Variants in EXOC4 observed in about 807,000 individuals in gnomAD.
The protein encoded by EXOC4 is SEC8-like 1.
In EXOC4, 71 loss-of-function variants were observed where a neutral mutation model predicts 107.2. That is an observed-to-expected ratio of 0.66 (90% CI 0.55 to 0.81). The LOEUF (loss-of-function observed/expected upper bound fraction) is 0.81. Ranked by LOEUF, EXOC4 falls within the 30% of genes least tolerant of loss-of-function variation. The pLI, the probability that EXOC4 is intolerant of heterozygous loss-of-function variation, is 0.00. For synonymous variants in EXOC4, 456 were observed against 441.2 expected, an observed-to-expected ratio of 1.03 and a Z score of -0.42; for missense variants, 1,108 against 1,189.6, an observed-to-expected ratio of 0.93 and a Z score of 1.01.
intron 11 of EXOC4, among the ~76,000 whole-genome samples, chr7:133,833,474 GT>G (rs2151240248): frequency 6.6e-6 from 1 of 152,346 alleles, no homozygotes; most frequent in South Asian, 2.1e-4. Context: ...CTAACTAGGA[GT>G]TGTTTTTGTT....
Position 133,630,059 on chromosome 7 carries a change from A to G in EXOC4, c.1432A>G (p.Asn478Asp), listed in dbSNP as rs751273688. The G allele has an allele frequency of 3.3e-5, 53 of 1,613,584 alleles. No individual in the cohort carries two copies. The highest frequency in any genetic ancestry group is 4.2e-5 in the Non-Finnish European group (50 of 1,179,658). Residue 478 changes from asparagine (N) to aspartate (D), a missense_variant, in exon 10 of 18, where the codon AAC (asparagine) becomes GAC (aspartate). Physicochemically the swap from Asn to Asp is conservative, Grantham distance 23. Coordinates refer to ENST00000253861, the MANE Select transcript of EXOC4 (RefSeq NM_021807.4). The part of the protein sequence containing the change: ...SGELQGGPDD[N>D]LIEGGGTKFV... The stretch of plus-strand genomic sequence containing the variant: ...TCTTCTGAAAGGGGGTCCTGATGAC[A>G]ACTTAATTGAAGGTGGAGGAACAAA...
At chr7:133,507,553 G>A (rs1289404516) in intron 9 of EXOC4, among the ~76,000 whole-genome samples, 1 of 152,164 alleles carries the variant, frequency 6.6e-6, no homozygotes, top group Non-Finnish European at 1.5e-5. Flanking sequence ...AAATACATGT[G>A]CCATGCAAAT....
intron 9 of EXOC4, among the ~76,000 whole-genome samples, chr7:133,512,633 C>T (rs761866326): frequency 2.0e-5 from 3 of 151,980 alleles, no homozygotes; most frequent in Non-Finnish European, 4.4e-5. Context: ...AAGAAGGTAG[C>T]GTAGTGAGGG....
intron 5 of EXOC4, among the ~76,000 whole-genome samples, chr7:133,335,924 A>C (rs975851118): frequency 1.3e-5 from 2 of 151,908 alleles, no homozygotes; most frequent in African/African-American, 4.8e-5. Flanking sequence ...TTTGATTTGC[A>C]TTTCTGTAAT....
At chr7:133,375,608 T>TA (rs1245987124) in intron 7 of EXOC4, among the ~76,000 whole-genome samples, 1 of 152,176 alleles carries the variant, frequency 6.6e-6, no homozygotes, top group African/African-American at 2.4e-5. Context: ...TATATTAAGG[T>TA]AAAAAACATT....
At chr7:133,450,438 C>T (rs1798316119) in intron 7 of EXOC4, among the ~76,000 whole-genome samples, 2 of 152,348 alleles carry the variant, frequency 1.3e-5, no homozygotes, top group Admixed American at 6.5e-5. Context: ...ACTGGGATTA[C>T]AGGCATGAGC....
chr7:133,608,585 C>T (rs1024480227), intron 9 of EXOC4, among the ~76,000 whole-genome samples: 2 of 112,716 alleles, frequency 1.8e-5, no homozygotes, highest in Non-Finnish European at 3.3e-5. Context: ...TGGAATCTTG[C>T]TCTGTTGCCA....
At chr7:133,916,872 A>T (rs1480427691) in intron 12 of EXOC4, among the ~76,000 whole-genome samples, 2 of 152,204 alleles carry the variant, frequency 1.3e-5, no homozygotes, top group African/African-American at 4.8e-5. Context: ...CCGAAAGAAA[A>T]GCTTTTTAAT....
intron 5 of EXOC4, among the ~76,000 whole-genome samples, chr7:133,342,957 T>C (rs1394911159): frequency 6.6e-6 from 1 of 152,234 alleles, no homozygotes; most frequent in Non-Finnish European, 1.5e-5. Flanking sequence ...TTAAGTTGTT[T>C]GTCACCTTTT....
chr7:133,663,422 G>T (rs979201956), intron 10 of EXOC4, among the ~76,000 whole-genome samples: 1 of 152,030 alleles, frequency 6.6e-6, no homozygotes. Flanking sequence ...TATATCTCCA[G>T]CCTGGACCAC....
chr7:133,592,604 G>A (rs556877664), intron 9 of EXOC4, among the ~76,000 whole-genome samples: 2 of 151,944 alleles, frequency 1.3e-5, no homozygotes, highest in South Asian at 2.1e-4. Flanking sequence ...CACCATACCC[G>A]GCTATTTTTT....
At chr7:133,855,092 A>AAT (rs369635122) in intron 11 of EXOC4, among the ~76,000 whole-genome samples, 4 of 49,368 alleles carry the variant, frequency 8.1e-5, no homozygotes, top group African/African-American at 3.0e-4. Context: ...AATATATATA[A>AAT]ATATATATAT....
At chr7:133,862,923 G>A (rs1205837483) in intron 11 of EXOC4, among the ~76,000 whole-genome samples, 1 of 152,140 alleles carries the variant, frequency 6.6e-6, no homozygotes, top group Admixed American at 6.5e-5. Context: ...TTATCAGTGT[G>A]AGAATCTCTG....
intron 14 of EXOC4, among the ~76,000 whole-genome samples, chr7:133,972,073 G>C (rs1436928037): frequency 6.6e-6 from 1 of 152,044 alleles, no homozygotes; most frequent in African/African-American, 2.4e-5. Context: ...GGTACCTTAC[G>C]CTGTAGTCAT....
At position 133,925,005 on chromosome 7, in the gene EXOC4, C is replaced by G. The variant is rs113999102; in HGVS notation, c.2027+7267C>G. On this transcript the variant is annotated intron_variant, in intron 13 of 17. Transcript: ENST00000253861. ...GAAAGCAAAGTTAAGTAGAAGAGGA[C>G]ACTCTTCATTGATATTCCAATGTGG... Among the ~76,000 whole-genome samples, 366 of 152,364 alleles carry G rather than the reference C, an allele frequency of 2.4e-3. 5 individuals carry two copies. The highest frequency in any genetic ancestry group is 8.2e-3 in the African/African-American group (342 of 41,592).
At chr7:133,548,072 C>T (rs1800517273) in intron 9 of EXOC4, among the ~76,000 whole-genome samples, 1 of 152,016 alleles carries the variant, frequency 6.6e-6, no homozygotes, top group Non-Finnish European at 1.5e-5. Flanking sequence ...CTCCTTGATG[C>T]ACGGGCTGTA....
chr7:134,055,562 A>G (rs1795902040), intron 17 of EXOC4, among the ~76,000 whole-genome samples: 1 of 152,098 alleles, frequency 6.6e-6, no homozygotes, highest in Non-Finnish European at 1.5e-5. Flanking sequence ...CTCCTCACAC[A>G]CCCACAGGTA....
intron 9 of EXOC4, among the ~76,000 whole-genome samples, chr7:133,621,747 T>TTATGTGGTATGTGG (rs1802334958): frequency 6.6e-6 from 1 of 152,200 alleles, no homozygotes; most frequent in Admixed American, 6.5e-5. Flanking sequence ...CTCTGGAGCC[T>TTATGTGGTATGTGG]TATGGCCACC....
At chr7:133,295,805 C>G (rs983718025) in intron 3 of EXOC4, among the ~76,000 whole-genome samples, 1 of 152,110 alleles carries the variant, frequency 6.6e-6, no homozygotes, top group East Asian at 1.9e-4. Flanking sequence ...AACATACATA[C>G]ATCCCTTTTA....
Sources: allele counts gnomAD v4.1 joint callset (sites outside exome capture counted in the v4.1 genomes callset), GRCh38; gene constraint gnomAD v4.1.1; transcripts MANE v1.5; gene names NCBI Gene and HGNC (gene_info 2026-07-23, HGNC 2026-07-21).